Variants in RAD54B observed in about 807,000 individuals in gnomAD.
The protein encoded by RAD54B is RAD54 homolog B.
Under a neutral mutation model 95.8 loss-of-function variants are expected in RAD54B, and 78 were observed. The ratio of observed to expected loss-of-function variants is 0.81; its 90% CI spans 0.68 to 0.98. The LOEUF is 0.98. RAD54B is among the 50% of genes least tolerant of loss of function. RAD54B has a pLI of 0.00. For synonymous variants in RAD54B, 328 were observed against 354.9 expected, an observed-to-expected ratio of 0.92 and a Z score of 0.85; for missense variants, 957 against 1,056.6, an observed-to-expected ratio of 0.91 and a Z score of 1.31.
At chr8:94,406,027 C>CACACACACACATAT (rs11281421) in intron 5 of RAD54B, among the ~76,000 whole-genome samples, 1 of 150,538 alleles carries the variant, frequency 6.6e-6, no homozygotes, top group South Asian at 2.1e-4. Context: ...CACACACACA[C>CACACACACACATAT]ATATATATAA....
intron 3 of RAD54B, among the ~76,000 whole-genome samples, chr8:94,438,943 T>A (rs1000773869): frequency 6.6e-6 from 1 of 152,096 alleles, no homozygotes; most frequent in African/African-American, 2.4e-5. Context: ...AATACAAAAA[T>A]TAGCCAGGTG....
At chr8:94,466,207 T>C (rs1227842678) in intron 2 of RAD54B, among the ~76,000 whole-genome samples, 1 of 152,086 alleles carries the variant, frequency 6.6e-6, no homozygotes, top group Non-Finnish European at 1.5e-5. Flanking sequence ...AGGGAAAAAA[T>C]TAATAGACTT....
At chr8:94,442,608 TAGAA>T (rs1381785585) in intron 3 of RAD54B, among the ~76,000 whole-genome samples, 9 of 132,568 alleles carry the variant, frequency 6.8e-5, no homozygotes, top group Admixed American at 4.5e-4. Context: ...TACAGTTAAA[TAGAA>T]AGAATAAGAT....
intron 8 of RAD54B, among the ~76,000 whole-genome samples, chr8:94,395,840 C>T (rs1487869465): frequency 6.6e-6 from 1 of 152,176 alleles, no homozygotes; most frequent in Non-Finnish European, 1.5e-5. Flanking sequence ...CCAAATATGG[C>T]AGAGCAGAAG....
At chr8:94,452,182 G>A (rs1812671090) in intron 3 of RAD54B, among the ~76,000 whole-genome samples, 5 of 152,170 alleles carry the variant, frequency 3.3e-5, no homozygotes, top group Admixed American at 1.3e-4. Context: ...TCCTGGCCCA[G>A]TCACCTCCCA....
At chr8:94,376,999 A>G (rs1810592385) in intron 14 of RAD54B, among the ~76,000 whole-genome samples, 1 of 152,136 alleles carries the variant, frequency 6.6e-6, no homozygotes, top group Non-Finnish European at 1.5e-5. Flanking sequence ...GCTACTAGAC[A>G]TTGATTGCTC....
chr8:94,377,263 C>T lies in RAD54B; in HGVS notation c.2515+917G>A, dbSNP rs997179648. 7.9e-5 allele frequency among the ~76,000 whole-genome samples: 12 copies of T among 152,166 alleles called. 2 individuals are homozygous for T. The South Asian group carries it at 1.0e-3, about 13-fold the overall frequency. ...TTAAAACCATTTTTCTGGCTGGATG[C>T]GGTGGCTCACACCTGTAATCCCAGC... On this transcript the variant is annotated intron_variant, in intron 14 of 14. Coordinates refer to ENST00000336148, the MANE Select transcript of RAD54B (RefSeq NM_012415.3).
chr8:94,434,334 CAATATAA>C (rs1194312748), intron 3 of RAD54B, among the ~76,000 whole-genome samples: 4 of 150,946 alleles, frequency 2.6e-5, no homozygotes, highest in Non-Finnish European at 5.9e-5. Flanking sequence ...TAAGGCATAA[CAATATAA>C]AAAGGGAGAA....
At chr8:94,390,740 T>C (rs1187051873) in intron 10 of RAD54B, among the ~76,000 whole-genome samples, 3 of 151,888 alleles carry the variant, frequency 2.0e-5, no homozygotes, top group East Asian at 1.9e-4. Context: ...TTGGTACAGG[T>C]TGACCATCCT....
chr8:94,386,615 G>T (rs4735290), intron 11 of RAD54B, among the ~76,000 whole-genome samples: 14,357 of 152,032 alleles, frequency 0.094, 1,262 homozygotes, highest in African/African-American at 0.22. Flanking sequence ...TGCAATAGTT[G>T]AAAGTACAGG....
chr8:94,433,526 T>A (rs1313748658), intron 3 of RAD54B, among the ~76,000 whole-genome samples: 1 of 152,106 alleles, frequency 6.6e-6, no homozygotes, highest in African/African-American at 2.4e-5. Flanking sequence ...AATTTACACA[T>A]AATTTCCACC....
At chr8:94,397,260 A>G (rs553106510) in intron 8 of RAD54B, among the ~76,000 whole-genome samples, 11 of 152,292 alleles carry the variant, frequency 7.2e-5, no homozygotes, top group African/African-American at 2.4e-4. Context: ...ATGTACTTTC[A>G]TAATAAGGAA....
chr8:94,430,912 C>A, intron 3 of RAD54B: 1 of 985,366 alleles, frequency 1.0e-6, no homozygotes, highest in Non-Finnish European at 1.2e-6. Context: ...AAATCAATGG[C>A]TTAGCACTGC....
At chr8:94,425,375 A>T (rs1273911598) in intron 3 of RAD54B, among the ~76,000 whole-genome samples, 1 of 151,950 alleles carries the variant, frequency 6.6e-6, no homozygotes, top group Non-Finnish European at 1.5e-5. Flanking sequence ...TTGTTTAACA[A>T]TTCTAAATAC....
At chr8:94,386,870 G>T in intron 11 of RAD54B, 114 bp downstream of exon 11, 1 of 744,068 alleles carries the variant, frequency 1.3e-6, no homozygotes, top group Non-Finnish European at 1.9e-6. Context: ...TATTCCCAAA[G>T]AAGAAAATAA....
chr8:94,465,240 C>T (rs1030975980), intron 2 of RAD54B, among the ~76,000 whole-genome samples: 2 of 152,118 alleles, frequency 1.3e-5, no homozygotes, highest in Non-Finnish European at 2.9e-5. Flanking sequence ...AAACAATCTA[C>T]TTGGGAAAGA....
At chr8:94,401,250 G>C (rs1162987202) in intron 6 of RAD54B, among the ~76,000 whole-genome samples, 2 of 151,906 alleles carry the variant, frequency 1.3e-5, no homozygotes, top group African/African-American at 4.8e-5. Flanking sequence ...TGTTATAAAT[G>C]AGTGTGCCTA....
chr8:94,372,257 T>G lies in RAD54B; in HGVS notation c.2646A>C (p.Leu882Phe), dbSNP rs781292153. 242 of 1,613,210 alleles carry G rather than the reference T, an allele frequency of 1.5e-4. 1 individual carries two copies. The highest frequency in any genetic ancestry group is 2.0e-4 in the Non-Finnish European group (232 of 1,179,788). The change falls in exon 15 of 15, where the codon TTA (leucine) becomes TTC (phenylalanine). Residue 882 changes from leucine (L) to phenylalanine (F), a missense_variant. Leu to Phe is a conservative substitution (Grantham distance 22, BLOSUM62 0). Transcript: ENST00000336148. ...KQWKHFSGDH[L>F]NLTDPFLERI... ...TTTCAAGAAAAGGATCTGTAAGATT[T>G]AAATGATCTCCAGAAAAATGTTTCC...
rs530140351 is a variant in RAD54B at position 94,419,115 on chromosome 8, G to A, written c.305-7800C>T. On this transcript the variant is annotated intron_variant, in intron 3 of 14. Transcript: ENST00000336148. ...ACCAGAAAACCCTCAACATTCAGCCGACATATTGCCAATATGTAGAATCTA... is the reference window on the plus strand; with the variant it reads ...ACCAGAAAACCCTCAACATTCAGCCAACATATTGCCAATATGTAGAATCTA... Among the ~76,000 whole-genome samples the A allele has an allele frequency of 3.9e-5, 6 of 152,160 alleles. No homozygotes were observed. In the South Asian group the frequency reaches 6.2e-4, roughly 16 times the overall value.
Sources: allele counts gnomAD v4.1 joint callset (sites outside exome capture counted in the v4.1 genomes callset), GRCh38; gene constraint gnomAD v4.1.1; transcripts MANE v1.5; gene names NCBI Gene and HGNC (gene_info 2026-07-23, HGNC 2026-07-21).